Variants in CFAP141 observed in about 807,000 individuals in gnomAD.
CFAP141 encodes the protein cilia and flagella associated protein 141.
At chr1:154,204,034 C>A in the CFAP141 span, among the ~76,000 whole-genome samples, 8 of 151,996 alleles carry the variant, frequency 5.3e-5, no homozygotes, top group African/African-American at 7.3e-5. Context: ...GAGGTTGCAG[C>A]GAGCTGAGAT....
the CFAP141 span, among the ~76,000 whole-genome samples, chr1:154,203,209 A>ACACACTT: frequency 1.9e-5 from 1 of 51,852 alleles, no homozygotes; most frequent in African/African-American, 7.6e-5. Flanking sequence ...ATATATATAT[A>ACACACTT]TATATATATA....
the CFAP141 span, among the ~76,000 whole-genome samples, chr1:154,204,367 TCTC>T: frequency 6.6e-6 from 1 of 152,150 alleles, no homozygotes; most frequent in Non-Finnish European, 1.5e-5. Flanking sequence ...AAAAAAGGCT[TCTC>T]CTATCCCATT....
At chr1:154,200,583 C>T in the CFAP141 span, 33 of 1,613,876 alleles carry the variant, frequency 2.0e-5, no homozygotes, top group Admixed American at 4.5e-4. Flanking sequence ...ATGTGAATTT[C>T]GCCACCTGCT....
At chr1:154,205,529 G>T in the CFAP141 span, 1 of 1,405,858 alleles carries the variant, frequency 7.1e-7, no homozygotes, top group Non-Finnish European at 1.0e-6. Flanking sequence ...GTTGGGAGGT[G>T]GCTCAGGGAA....
At chr1:154,200,254 G>A in the CFAP141 span, among the ~76,000 whole-genome samples, 3 of 152,224 alleles carry the variant, frequency 2.0e-5, no homozygotes, top group Non-Finnish European at 2.9e-5. Flanking sequence ...TGTGCCTGCC[G>A]CCTGTAAGGT....
At chr1:154,203,004 C>T in the CFAP141 span, among the ~76,000 whole-genome samples, 1 of 148,268 alleles carries the variant, frequency 6.7e-6, no homozygotes. Context: ...ACCTGTAATC[C>T]CAGCTCCCCA....
At chr1:154,205,815 C>G in the CFAP141 span, among the ~76,000 whole-genome samples, 1 of 152,100 alleles carries the variant, frequency 6.6e-6, no homozygotes, top group African/African-American at 2.4e-5. Flanking sequence ...AGCGATTCTC[C>G]TGCCTCAGCC....
chr1:154,199,729 T>C, the CFAP141 span, among the ~76,000 whole-genome samples: 1 of 152,190 alleles, frequency 6.6e-6, no homozygotes, highest in African/African-American at 2.4e-5. Flanking sequence ...AAGCCCTATG[T>C]TCAGCAAATA....
chr1:154,200,722 G>C, the CFAP141 span: 4 of 1,040,700 alleles, frequency 3.8e-6, no homozygotes, highest in African/African-American at 4.8e-5. Context: ...CACTCTTGTT[G>C]CCCAGGCTGG....
the CFAP141 span, among the ~76,000 whole-genome samples, chr1:154,204,722 T>G: frequency 6.6e-6 from 1 of 151,318 alleles, no homozygotes; most frequent in African/African-American, 2.4e-5. Context: ...CCACCACACC[T>G]AGCTAATTTT....
At chr1:154,205,798 G>A in the CFAP141 span, among the ~76,000 whole-genome samples, 4 of 151,868 alleles carry the variant, frequency 2.6e-5, no homozygotes, top group South Asian at 6.2e-4. Context: ...TCCGCCTCCC[G>A]GGTTCAAGCG....
chr1:154,201,768 G>A, the CFAP141 span, among the ~76,000 whole-genome samples: 1 of 151,596 alleles, frequency 6.6e-6, no homozygotes. Flanking sequence ...AATCTTCATT[G>A]AAGTTTTAAT....
At chr1:154,200,644 AC>A in the CFAP141 span, 1 of 1,576,238 alleles carries the variant, frequency 6.3e-7, no homozygotes, top group Non-Finnish European at 8.7e-7. Context: ...AGGAGTAGAG[AC>A]AAAAAACCCA....
At chr1:154,205,351 C>T in the CFAP141 span, among the ~76,000 whole-genome samples, 1 of 152,132 alleles carries the variant, frequency 6.6e-6, no homozygotes, top group Non-Finnish European at 1.5e-5. Context: ...TAAAAACATG[C>T]TTCAATTTTT....
the CFAP141 span, among the ~76,000 whole-genome samples, chr1:154,203,263 CTTT>C: frequency 1.6e-5 from 1 of 64,456 alleles, no homozygotes; most frequent in Non-Finnish European, 3.2e-5. Flanking sequence ...GTAGTTTTTA[CTTT>C]TTTTTTTTTC....
the CFAP141 span, chr1:154,200,594 C>T: frequency 6.2e-7 from 1 of 1,613,754 alleles, no homozygotes; most frequent in Admixed American, 1.7e-5. Context: ...GCCACCTGCT[C>T]CAGGTACAGA....
the CFAP141 span, chr1:154,206,194 C>T: frequency 5.3e-6 from 7 of 1,321,644 alleles, no homozygotes; most frequent in South Asian, 5.9e-5. Flanking sequence ...AAGCCTTTCC[C>T]AGTAAAAGAT....
the CFAP141 span, chr1:154,200,584 G>A: frequency 1.9e-5 from 30 of 1,613,826 alleles, no homozygotes; most frequent in African/African-American, 6.7e-5. Flanking sequence ...TGTGAATTTC[G>A]CCACCTGCTC....
chr1:154,206,087 G>T, the CFAP141 span, among the ~76,000 whole-genome samples: 1 of 152,158 alleles, frequency 6.6e-6, no homozygotes. Context: ...AAGAAAACAC[G>T]CAGGGGTTGG....
Sources: gnomAD v4.1 joint callset for allele counts (sites outside exome capture counted in the v4.1 genomes callset) on GRCh38, gnomAD v4.1.1 for gene constraint, MANE v1.5 for transcripts, NCBI Gene and HGNC (gene_info 2026-07-23, HGNC 2026-07-21) for gene names.